ITGAV: variants seen among roughly 807,000 people sequenced by gnomAD.
ITGAV encodes the protein integrin alpha-V.
A neutral mutation model predicts 143.8 loss-of-function variants in ITGAV; 76 were observed. The ratio of observed to expected loss-of-function variants is 0.53; its 90% CI spans 0.44 to 0.64. The LOEUF (loss-of-function observed/expected upper bound fraction) is 0.64, where lower values mean the gene tolerates loss of function less well. ITGAV is among the 30% of genes least tolerant of loss of function. ITGAV has a pLI of 0.00. For synonymous variants in ITGAV, 453 were observed against 446.7 expected (o/e 1.01, Z -0.18); for missense variants, 1,193 against 1,274.7 (o/e 0.94, Z 0.98).
At chr2:186,651,889 C>T in intron 14 of ITGAV, 93 bp from the exon 15 acceptor site, 1 of 654,996 alleles carries the variant, frequency 1.5e-6, no homozygotes, top group Non-Finnish European at 2.7e-6. Context: ...AGACATGGTA[C>T]TATATATGTA....
intron 4 of ITGAV, among the ~76,000 whole-genome samples, chr2:186,629,396 A>G (rs1687759851): frequency 6.6e-6 from 1 of 151,988 alleles, no homozygotes; most frequent in Admixed American, 6.6e-5. Context: ...ATAGTTCCCC[A>G]GATGCAACTT....
At chr2:186,660,717 C>G (rs1258554120) in intron 18 of ITGAV, 1 of 152,072 alleles carries the variant, frequency 6.6e-6, no homozygotes, top group Non-Finnish European at 1.5e-5. Flanking sequence ...TATTAGTTTT[C>G]TAGGGCTGTC....
rs1689316131 is a variant in ITGAV, at chr2:186,680,212, A to G, written c.*2920A>G. The G allele has an allele frequency of 6.6e-6, 1 of 152,054 alleles. No homozygotes were observed. The highest frequency in any genetic ancestry group is 2.4e-5 in the African/African-American group (1 of 41,432). 9.4% of individuals were successfully genotyped at this position (152,054 alleles called of 1,614,324 possible). A position where few individuals can be genotyped will look rare whatever the true frequency, so the allele number is the denominator to read the frequency against. ...GTTTGCATTCTTGGATAGCTTGTAT[A>G]TGTAGTAGTTTGATGAATAATTTAA... On this transcript the variant is annotated 3_prime_UTR_variant, in exon 30 of 30. Transcript: ENST00000261023.
chr2:186,622,219 C>A (rs953403059), intron 2 of ITGAV, 120 bp from the exon 3 acceptor site: 3 of 661,700 alleles, frequency 4.5e-6, no homozygotes, highest in Middle Eastern at 3.1e-4. Flanking sequence ...GAAAAATAAC[C>A]AGTGGAATAT....
intron 2 of ITGAV, 35 bp downstream of exon 2, chr2:186,602,186 T>G: frequency 6.3e-7 from 1 of 1,588,370 alleles, no homozygotes; most frequent in Non-Finnish European, 8.6e-7. Flanking sequence ...TTTCATTGAT[T>G]TCATTTGATT....
intron 17 of ITGAV, 105 bp from the exon 18 acceptor site, chr2:186,658,933 G>A: frequency 1.5e-6 from 1 of 657,642 alleles, no homozygotes; most frequent in East Asian, 2.9e-5. Context: ...TGTTAGAATT[G>A]AAGGCTCAGG....
intron 3 of ITGAV, among the ~76,000 whole-genome samples, chr2:186,623,917 G>C (rs1350947007): frequency 2.0e-5 from 3 of 152,040 alleles, no homozygotes; most frequent in Non-Finnish European, 2.9e-5. Flanking sequence ...TCCTGCTGCT[G>C]CTTCTCTTAC....
intron 2 of ITGAV, among the ~76,000 whole-genome samples, chr2:186,619,295 G>A (rs913054378): frequency 1.3e-5 from 2 of 152,056 alleles, no homozygotes; most frequent in South Asian, 2.1e-4. Flanking sequence ...AGTGAAATAA[G>A]CCAGGAACAG....
intron 18 of ITGAV, among the ~76,000 whole-genome samples, chr2:186,661,097 A>C (rs1688730779): frequency 6.6e-6 from 1 of 152,208 alleles, no homozygotes; most frequent in African/African-American, 2.4e-5. Context: ...GATATTTAAA[A>C]TATTGTCATT....
intron 26 of ITGAV, among the ~76,000 whole-genome samples, chr2:186,675,392 G>A (rs1426579564): frequency 6.6e-6 from 1 of 152,068 alleles, no homozygotes; most frequent in Admixed American, 6.5e-5. Context: ...AACTACATGT[G>A]TGGCAAAAGA....
At chr2:186,674,151 C>G (rs1369151253) in intron 26 of ITGAV, among the ~76,000 whole-genome samples, 2 of 151,884 alleles carry the variant, frequency 1.3e-5, no homozygotes. Flanking sequence ...TTTTAAATTT[C>G]ATTTTGTAGA....
Position 186,603,159 on chromosome 2 carries a change from A to T in ITGAV, c.316+1008A>T, listed in dbSNP as rs529585686. On this transcript the variant is annotated intron_variant, in intron 2 of 29. Transcript: ENST00000261023. ...TATATATATTTGTGAAATCTTAGAT[A>T]GTCCTTAAGGAAATAGTGTGACATT... Among the ~76,000 whole-genome samples, 108 of 152,368 alleles carry T rather than the reference A, an allele frequency of 7.1e-4. 1 individual carries two copies. In the Middle Eastern group the frequency reaches 0.01, roughly 14 times the overall value.
chr2:186,673,361 A>C (rs1012518663), intron 26 of ITGAV, among the ~76,000 whole-genome samples: 1 of 152,176 alleles, frequency 6.6e-6, no homozygotes, highest in East Asian at 1.9e-4. Flanking sequence ...ATATGAATAC[A>C]TTTTATTCCT....
At position 186,631,198 on chromosome 2, in the gene ITGAV, A is replaced by G. The variant is rs759856368; in HGVS notation, c.585+340A>G. ...ATTAAAGTTTTCTATTTTTAATTAA[A>G]GTTGTTTTTCTTACAAAAGCTATCA... On this transcript the variant is annotated intron_variant, in intron 5 of 29. Transcript: ENST00000261023. Among the ~76,000 whole-genome samples the G allele has an allele frequency of 1.1e-3, 164 of 152,250 alleles. 3 individuals carry two copies. The highest frequency in any genetic ancestry group is 2.9e-4 in the Non-Finnish European group (20 of 68,002).
At position 186,664,647 on chromosome 2, in the gene ITGAV, C is replaced by T. The variant is rs1559066387; in HGVS notation, c.2073+6C>T. The T allele has an allele frequency of 6.2e-7, 1 of 1,613,788 alleles. No individual in the cohort carries two copies. Among genetic ancestry groups the T allele is most frequent in the Non-Finnish European group, 8.5e-7 (1 of 1,179,870 alleles). On this transcript the variant is annotated splice_donor_region_variant and intron_variant, in intron 20 of 29. Transcript: ENST00000261023. ...GGGTTGTCCGAAACAATGAAGTAAG[C>T]AGGCTGCCTCTTTAAAAATTGAAAT... is the stretch of plus-strand genomic sequence containing the variant.
At chr2:186,591,536 TTC>T (rs1686616231) in intron 1 of ITGAV, among the ~76,000 whole-genome samples, 1 of 152,204 alleles carries the variant, frequency 6.6e-6, no homozygotes, top group Non-Finnish European at 1.5e-5. Context: ...TTTCCATATT[TTC>T]TGTATAAGAT....
chr2:186,620,194 G>A (rs1416399209), intron 2 of ITGAV, among the ~76,000 whole-genome samples: 7 of 151,960 alleles, frequency 4.6e-5, no homozygotes, highest in Admixed American at 1.3e-4. Context: ...AACTCTTTAC[G>A]GGTGCCTATA....
intron 2 of ITGAV, among the ~76,000 whole-genome samples, chr2:186,607,504 A>C (rs986692169): frequency 6.6e-6 from 1 of 152,132 alleles, no homozygotes. Context: ...GTGATAGTTG[A>C]AATGGTAGAA....
At chr2:186,662,081 C>A (rs1052965331) in intron 18 of ITGAV, among the ~76,000 whole-genome samples, 4 of 152,056 alleles carry the variant, frequency 2.6e-5, no homozygotes, top group African/African-American at 9.7e-5. Flanking sequence ...GTGATATCAG[C>A]CAAATATCTC....
Sources: gnomAD v4.1 joint callset for allele counts (sites outside exome capture counted in the v4.1 genomes callset) on GRCh38, gnomAD v4.1.1 for gene constraint, MANE v1.5 for transcripts, NCBI Gene and HGNC (gene_info 2026-07-23, HGNC 2026-07-21) for gene names.